CREB3L2: variants seen among roughly 807,000 people sequenced by gnomAD.
CREB3L2 encodes the protein cAMP responsive element binding protein 3 like 2.
In CREB3L2, 23 loss-of-function variants were observed where a neutral mutation model predicts 57.2. The ratio of observed to expected loss-of-function variants is 0.40; its 90% confidence interval spans 0.29 to 0.57. CREB3L2 has a LOEUF of 0.57. CREB3L2 is among the 20% of genes least tolerant of loss of function. CREB3L2 has a pLI of 0.42. For synonymous variants in CREB3L2, 268 were observed against 265.1 expected (o/e 1.01, Z -0.11); for missense variants, 628 against 634.7 (o/e 0.99, Z 0.11).
At chr7:137,972,886 T>C (rs935097670) in intron 1 of CREB3L2, among the ~76,000 whole-genome samples, 4 of 150,808 alleles carry the variant, frequency 2.7e-5, no homozygotes, top group African/African-American at 9.8e-5. Context: ...ACACTGTGGA[T>C]CAACCCAGGG....
chr7:137,890,223 C>T (rs547809110), intron 8 of CREB3L2, among the ~76,000 whole-genome samples: 29 of 152,188 alleles, frequency 1.9e-4, no homozygotes, highest in African/African-American at 6.5e-4. Context: ...GACACAAAAA[C>T]CATCAGGGCA....
intron 1 of CREB3L2, among the ~76,000 whole-genome samples, chr7:137,971,603 C>G (rs1183734295): frequency 6.6e-6 from 1 of 151,936 alleles, no homozygotes; most frequent in Non-Finnish European, 1.5e-5. Context: ...AACCCGAATC[C>G]CCTGGATCTC....
chr7:137,994,579 C>G (rs1314239353), intron 1 of CREB3L2, among the ~76,000 whole-genome samples: 1 of 152,182 alleles, frequency 6.6e-6, no homozygotes, highest in East Asian at 1.9e-4. Flanking sequence ...TTTCCCTGCA[C>G]TTTCAAGAGG....
At chr7:137,971,697 G>C (rs559206356) in intron 1 of CREB3L2, among the ~76,000 whole-genome samples, 17 of 151,372 alleles carry the variant, frequency 1.1e-4, no homozygotes, top group Admixed American at 3.9e-4. Flanking sequence ...AAAAGGCCAG[G>C]GTCTGTTTTC....
At chr7:137,933,993 A>C (rs566762569) in intron 1 of CREB3L2, 1 of 152,390 alleles carries the variant, frequency 6.6e-6, no homozygotes, top group African/African-American at 2.4e-5. Context: ...TGGATACTGC[A>C]AACGCTTTAG....
intron 1 of CREB3L2, among the ~76,000 whole-genome samples, chr7:137,974,555 A>G (rs946548820): frequency 6.6e-6 from 1 of 152,204 alleles, no homozygotes; most frequent in Non-Finnish European, 1.5e-5. Flanking sequence ...AAACTTGGGG[A>G]TGACACGAAA....
intron 1 of CREB3L2, among the ~76,000 whole-genome samples, chr7:137,969,272 A>G (rs1263017015): frequency 1.3e-5 from 2 of 152,062 alleles, no homozygotes; most frequent in Admixed American, 1.3e-4. Flanking sequence ...AACTAGGGCA[A>G]TTTGAACATG....
chr7:137,893,761 A>C (rs1052388276), intron 8 of CREB3L2, among the ~76,000 whole-genome samples: 1 of 152,226 alleles, frequency 6.6e-6, no homozygotes, highest in Non-Finnish European at 1.5e-5. Context: ...AAAAAGATTA[A>C]GGAATTTTAT....
chr7:137,932,315 T>C (rs917358039), intron 1 of CREB3L2, among the ~76,000 whole-genome samples: 130 of 152,292 alleles, frequency 8.5e-4, no homozygotes, highest in African/African-American at 3.1e-3. Flanking sequence ...TAAAGAGAAC[T>C]TTAAAAAACA....
chr7:137,935,172 G>A (rs1366402409), intron 1 of CREB3L2, among the ~76,000 whole-genome samples: 1 of 152,160 alleles, frequency 6.6e-6, no homozygotes, highest in Non-Finnish European at 1.5e-5. Context: ...CCGGCAAAGT[G>A]AAGTTAACAA....
intron 1 of CREB3L2, among the ~76,000 whole-genome samples, chr7:137,988,725 A>G (rs564640468): frequency 3.4e-4 from 52 of 152,320 alleles, no homozygotes; most frequent in African/African-American, 1.2e-3. Context: ...AAACAGACAC[A>G]TGCACAAACT....
At chr7:137,882,886 C>T (rs529266589) in intron 10 of CREB3L2, among the ~76,000 whole-genome samples, 43 of 149,350 alleles carry the variant, frequency 2.9e-4, no homozygotes, top group Non-Finnish European at 5.3e-4. Context: ...CTACCACCCC[C>T]ACTGCTTTGA....
In CREB3L2 at chr7:137,928,260, G is replaced by C. The variant is rs150075833; in HGVS notation, c.209C>G (p.Pro70Arg). The C allele has an allele frequency of 1.2e-6, 2 of 1,613,814 alleles. No individual in the cohort carries two copies. The highest frequency in any genetic ancestry group is 1.7e-6 in the Non-Finnish European group (2 of 1,179,890). Reference protein sequence around the residue: ...KSVSMEVEPSPTSPAPLIQAE... With the variant: ...KSVSMEVEPSRTSPAPLIQAE... ...CTGGATGAGAGGCGCCGGGGACGTC[G>C]GGGAAGGTTCCACCTCCATTGACAC... The change falls in exon 2 of 12, where the codon CCG becomes CGG. Residue 70 changes from proline to arginine, a missense_variant. Physicochemically the swap from Pro to Arg is moderately radical, Grantham distance 103. This residue lies in a region of CREB3L2 where 339 missense variants were observed against 355.4 expected (regional missense o/e 0.95). Coordinates refer to ENST00000330387, the MANE Select transcript of CREB3L2 (RefSeq NM_194071.4).
intron 1 of CREB3L2, among the ~76,000 whole-genome samples, chr7:137,964,431 G>A (rs749079491): frequency 3.3e-5 from 5 of 152,286 alleles, no homozygotes; most frequent in Middle Eastern, 3.4e-3. Context: ...CATGTGTTTC[G>A]ACAGGGGAAT....
rs1256377250 is a variant in CREB3L2, at chr7:137,878,492, G to A, written c.*1984C>T. 4.3e-6 allele frequency: 1 copy of A among 233,462 alleles called. No homozygotes were observed. Among genetic ancestry groups the A allele is most frequent in the African/African-American group, 2.2e-5 (1 of 45,324 alleles). The allele number at this position is 233,462 out of a possible 1,614,324, so 14.5% of individuals were successfully genotyped here. A position where few individuals can be genotyped will look rare whatever the true frequency, so the allele number is the denominator to read the frequency against. ...GCCCATGGTTACCAGACACCAGCCA[G>A]GCCCAACAGGATCTGGGCTGCAGAC... is the stretch of plus-strand genomic sequence containing the variant. On this transcript the variant is annotated 3_prime_UTR_variant, in exon 12 of 12. Transcript: ENST00000330387.
chr7:137,893,917 C>T (rs1454078282), intron 8 of CREB3L2, among the ~76,000 whole-genome samples: 1 of 152,220 alleles, frequency 6.6e-6, no homozygotes, highest in African/African-American at 2.4e-5. Context: ...TTCCGGCTCC[C>T]TCTATGGCCA....
chr7:137,901,314 C>T (rs1465081239), intron 8 of CREB3L2, 40 bp downstream of exon 8: 1 of 1,233,090 alleles, frequency 8.1e-7, no homozygotes, highest in Non-Finnish European at 1.2e-6. Context: ...CCCCATCTTC[C>T]ATTGGTAGCG....
At position 137,880,545 on chromosome 7, in the gene CREB3L2, G is replaced by A. The variant is rs771117390; in HGVS notation, c.1494C>T (p.Ser498=). 26 of 1,613,074 alleles carry A rather than the reference G, an allele frequency of 1.6e-5. No individual in the cohort carries two copies. Among genetic ancestry groups the A allele is most frequent in the South Asian group, 5.5e-5 (5 of 90,968 alleles). ...GTGTTTCATTCCCCTCCAGTTTGGC[G>A]CTGACCCTGTGAAGGCATTAAAAGG... ...VLLELQQHLV[S]AKLEGNETLK... is the part of the protein sequence containing the mutation. Residue 498 remains serine, a synonymous_variant, in exon 12 of 12, where the codon AGC becomes AGT. Transcript: ENST00000330387. This position sits in a 1 kb window ranked among gnomAD's most constrained non-coding sequence, Gnocchi z 4.0.
chr7:137,958,699 T>C (rs1411466295), intron 1 of CREB3L2, among the ~76,000 whole-genome samples: 1 of 152,244 alleles, frequency 6.6e-6, no homozygotes, highest in African/African-American at 2.4e-5. Flanking sequence ...CTTTCTCCCA[T>C]GTCTCACTTT....
Sources: gnomAD v4.1 joint callset for allele counts (sites outside exome capture counted in the v4.1 genomes callset) on GRCh38, gnomAD v4.1.1 for gene constraint, gnomAD v4.1.1 regional missense constraint, Gnocchi (gnomAD v3.1) non-coding constraint, MANE v1.5 for transcripts, NCBI Gene and HGNC (gene_info 2026-07-23, HGNC 2026-07-21) for gene names.